RTN4IP1: variants seen among roughly 807,000 people sequenced by gnomAD.
RTN4IP1 encodes NAD(P)H oxidoreductase RTN4IP1, mitochondrial.
RTN4IP1 carries 32 observed loss-of-function variants against 46.6 expected under a neutral mutation model. The ratio of observed to expected loss-of-function variants is 0.69; its 90% confidence interval spans 0.52 to 0.92. The LOEUF (loss-of-function observed/expected upper bound fraction) is 0.92. Ranked by LOEUF, RTN4IP1 falls within the 40% of genes least tolerant of loss-of-function variation. The pLI, the probability that RTN4IP1 is intolerant of heterozygous loss-of-function variation, is 0.00. For synonymous variants in RTN4IP1, 167 were observed against 161.8 expected (o/e 1.03, Z -0.24); for missense variants, 424 against 485.8 (o/e 0.87, Z 1.20).
chr6:106,595,394 C>T (rs1218651541), intron 5 of RTN4IP1, among the ~76,000 whole-genome samples: 2 of 152,148 alleles, frequency 1.3e-5, no homozygotes, highest in Non-Finnish European at 2.9e-5. Context: ...TCTTTATTAT[C>T]TTAGCAGCTG....
intron 8 of RTN4IP1, among the ~76,000 whole-genome samples, chr6:106,580,851 G>T (rs1775353081): frequency 6.6e-6 from 1 of 151,716 alleles, no homozygotes; most frequent in Non-Finnish European, 1.5e-5. Context: ...ATCCACTGAA[G>T]CACTGTTTGC....
At chr6:106,582,920 T>TGGAC (rs1049699516) in intron 8 of RTN4IP1, among the ~76,000 whole-genome samples, 1 of 152,172 alleles carries the variant, frequency 6.6e-6, no homozygotes, top group African/African-American at 2.4e-5. Context: ...CTGTCTCAGA[T>TGGAC]GGACTATTTA....
chr6:106,616,007 C>T lies in RTN4IP1; in HGVS notation c.620+3195G>A, dbSNP rs2035155. On this transcript the variant is annotated intron_variant, in intron 4 of 8. Transcript: ENST00000369063. ...AATCTCAGCTCACTACAACCTCCAA[C>T]TCTGTGGTTCAAATGATCCTCCTGC... Among the ~76,000 whole-genome samples the T allele has an allele frequency of 0.016, 2,404 of 152,146 alleles. 142 individuals are homozygous for T. The East Asian group carries it at 0.19, about 12-fold the overall frequency.
At chr6:106,578,721 C>T (rs768061745) in intron 8 of RTN4IP1, among the ~76,000 whole-genome samples, 6 of 152,140 alleles carry the variant, frequency 3.9e-5, no homozygotes, top group Non-Finnish European at 7.3e-5. Flanking sequence ...TCACTCCCTG[C>T]CACCATTTCA....
At chr6:106,625,517 T>C (rs532707238) in intron 1 of RTN4IP1, among the ~76,000 whole-genome samples, 2 of 152,088 alleles carry the variant, frequency 1.3e-5, no homozygotes, top group South Asian at 4.1e-4. Flanking sequence ...TTTGAGAGAA[T>C]GGGAAATAAG....
chr6:106,589,177 AGGAGGAGGAG>A (rs1393494439), intron 6 of RTN4IP1, among the ~76,000 whole-genome samples: 5 of 19,562 alleles, frequency 2.6e-4, no homozygotes, highest in African/African-American at 8.0e-4. Flanking sequence ...GCGGTGGAGG[AGGAGGAGGAG>A]GGAGGAGGAG....
rs538624210 is a variant in RTN4IP1 at position 106,623,616 on chromosome 6, T to C, written c.275-647A>G. ...ATAAAAAGATTTTCTTTAAAAAAAATTTACTTGGAAAGTGATAATCACTTA... is the reference window on the plus strand; with the variant it reads ...ATAAAAAGATTTTCTTTAAAAAAAACTTACTTGGAAAGTGATAATCACTTA... On this transcript the variant is annotated intron_variant, in intron 1 of 8. Transcript: ENST00000369063. 1.7e-3 allele frequency among the ~76,000 whole-genome samples: 260 copies of C among 152,298 alleles called. 1 individual carries two copies. Among genetic ancestry groups the C allele is most frequent in the African/African-American group, 6.0e-3 (249 of 41,566 alleles).
At chr6:106,618,104 G>A (rs1285844234) in intron 4 of RTN4IP1, among the ~76,000 whole-genome samples, 1 of 152,104 alleles carries the variant, frequency 6.6e-6, no homozygotes, top group Admixed American at 6.5e-5. Flanking sequence ...CTAAGATAAG[G>A]AAGGGTAGTA....
intron 1 of RTN4IP1, among the ~76,000 whole-genome samples, chr6:106,625,057 A>C (rs1352024173): frequency 1.3e-5 from 2 of 152,048 alleles, no homozygotes; most frequent in African/African-American, 2.4e-5. Context: ...CTACTCTATA[A>C]TAATCCAGAG....
At chr6:106,615,435 T>TA (rs1391340024) in intron 4 of RTN4IP1, among the ~76,000 whole-genome samples, 1 of 152,136 alleles carries the variant, frequency 6.6e-6, no homozygotes, top group East Asian at 1.9e-4. Context: ...TAAATTCACT[T>TA]CATTGAGTTG....
At chr6:106,607,851 A>T (rs1180118074) in intron 4 of RTN4IP1, 1 of 152,212 alleles carries the variant, frequency 6.6e-6, no homozygotes, top group African/African-American at 2.4e-5. Flanking sequence ...ATTGGAAAAG[A>T]TGCAGAGAAA....
intron 4 of RTN4IP1, among the ~76,000 whole-genome samples, chr6:106,618,507 C>A (rs775405991): frequency 2.0e-5 from 3 of 152,180 alleles, no homozygotes; most frequent in African/African-American, 7.2e-5. Flanking sequence ...AACTGTGTCA[C>A]CAGTTTAATG....
chr6:106,583,302 C>T (rs367941597), intron 8 of RTN4IP1, 26 bp downstream of exon 8: 50 of 1,590,130 alleles, frequency 3.1e-5, no homozygotes, highest in Non-Finnish European at 4.2e-5. Context: ...CAAAGGCTTC[C>T]AATCCAGGTT....
chr6:106,583,191 G>T lies in RTN4IP1; in HGVS notation c.1083+137C>A, dbSNP rs1775409570. On this transcript the variant is annotated intron_variant, in intron 8 of 8. Coordinates refer to ENST00000369063, the MANE Select transcript of RTN4IP1 (RefSeq NM_032730.5). Reference sequence around the variant, plus strand: ...AACCAAAGACATAGCATGTAAACTTGGCCATGTAAGGCAGCACAAGGTCAG... The same window carrying T: ...AACCAAAGACATAGCATGTAAACTTTGCCATGTAAGGCAGCACAAGGTCAG... 4.8e-6 allele frequency: 3 copies of T among 622,416 alleles called. No individual in the cohort carries two copies. In the East Asian group the frequency reaches 8.4e-5, roughly 17 times the overall value. 38.6% of individuals were successfully genotyped at this position (622,416 alleles called of 1,614,324 possible).
intron 7 of RTN4IP1, among the ~76,000 whole-genome samples, chr6:106,587,133 A>C (rs189162759): frequency 3.3e-5 from 5 of 152,288 alleles, no homozygotes; most frequent in Admixed American, 2.6e-4. Flanking sequence ...TTACTCATAG[A>C]CCTCTAAATG....
intron 5 of RTN4IP1, among the ~76,000 whole-genome samples, chr6:106,599,655 A>G (rs1775892659): frequency 1.3e-5 from 2 of 152,080 alleles, no homozygotes; most frequent in Admixed American, 6.5e-5. Flanking sequence ...TAATATTCCA[A>G]TGTAAGAATA....
intron 4 of RTN4IP1, among the ~76,000 whole-genome samples, chr6:106,616,915 C>A (rs557521757): frequency 1.3e-5 from 2 of 152,242 alleles, no homozygotes; most frequent in Admixed American, 1.3e-4. Flanking sequence ...CACCAAAATT[C>A]GTATGTTGAA....
chr6:106,584,508 G>A lies in RTN4IP1; in HGVS notation c.991-1088C>T, dbSNP rs544997812. Among the ~76,000 whole-genome samples the A allele has an allele frequency of 2.6e-5, 4 of 152,314 alleles. No homozygotes were observed. The East Asian group carries it at 7.7e-4, about 29-fold the overall frequency. ...TGGCGTGAGGCTGAAAAATGCAATG[G>A]AAACCCCCTACAACAGCACTTACTA... On this transcript the variant is annotated intron_variant, in intron 7 of 8. Transcript: ENST00000369063.
chr6:106,577,754 G>C (rs57110857), intron 8 of RTN4IP1, among the ~76,000 whole-genome samples: 1 of 151,900 alleles, frequency 6.6e-6, no homozygotes, highest in African/African-American at 2.4e-5. Context: ...TCCTTATAAG[G>C]GGAAGGCAGG....
Sources: gnomAD v4.1 joint callset for allele counts (sites outside exome capture counted in the v4.1 genomes callset) on GRCh38, gnomAD v4.1.1 for gene constraint, MANE v1.5 for transcripts, NCBI Gene and HGNC (gene_info 2026-07-23, HGNC 2026-07-21) for gene names.